The following MSRA variants were observed in gnomAD, a reference collection of about 807,000 sequenced individuals.
The protein encoded by MSRA is methionine sulfoxide reductase A, also known as mitochondrial peptide methionine sulfoxide reductase.
Under a neutral mutation model 31.3 loss-of-function variants are expected in MSRA, and 54 were observed. The ratio of observed to expected loss-of-function variants is 1.73; its 90% CI spans 1.39 to 2.17. The LOEUF (loss-of-function observed/expected upper bound fraction) is 2.17. Among genes scored for constraint, MSRA ranks in the 30% most tolerant of loss-of-function variants. The pLI, the probability that MSRA is intolerant of heterozygous loss-of-function variation, is 0.00. For synonymous variants in MSRA, 169 were observed against 116.5 expected, an observed-to-expected ratio of 1.45 and a Z score of -2.90; for missense variants, 507 against 300.9, an observed-to-expected ratio of 1.69 and a Z score of -5.07.
intron 5 of MSRA, among the ~76,000 whole-genome samples, chr8:10,333,804 ACCCCACCCC>A (rs1452301517): frequency 6.7e-6 from 1 of 148,246 alleles, no homozygotes; most frequent in Non-Finnish European, 1.5e-5. Flanking sequence ...TTTCTTCTCC[ACCCCACCCC>A]CCCCACGCTG....
At chr8:10,342,322 A>G (rs890976047) in intron 5 of MSRA, among the ~76,000 whole-genome samples, 1 of 152,220 alleles carries the variant, frequency 6.6e-6, no homozygotes, top group Non-Finnish European at 1.5e-5. Flanking sequence ...AAACTGAGAA[A>G]TTAAAAAAAC....
At chr8:10,112,787 T>C (rs886142798) in intron 1 of MSRA, among the ~76,000 whole-genome samples, 3 of 136,218 alleles carry the variant, frequency 2.2e-5, no homozygotes, top group African/African-American at 1.1e-4. Flanking sequence ...TTGGAGAAGT[T>C]TTTCTCTTTC....
At chr8:10,251,861 TGGGGGGG>T (rs386412047) in intron 3 of MSRA, among the ~76,000 whole-genome samples, 1 of 140,012 alleles carries the variant, frequency 7.1e-6, no homozygotes, top group East Asian at 2.1e-4. Context: ...GTTGACATGG[TGGGGGGG>T]GGGGGACATA....
chr8:10,137,255 T>TA (rs1436856114), intron 1 of MSRA, among the ~76,000 whole-genome samples: 1 of 152,232 alleles, frequency 6.6e-6, no homozygotes, highest in African/African-American at 2.4e-5. Flanking sequence ...AAGCATATTT[T>TA]AAAAAATTGG....
chr8:10,224,877 G>A (rs1002812288), intron 2 of MSRA, among the ~76,000 whole-genome samples: 2 of 152,138 alleles, frequency 1.3e-5, no homozygotes, highest in Non-Finnish European at 2.9e-5. Context: ...AGGGCCGGGC[G>A]CAGTGGGCTC....
chr8:10,185,511 A>C (rs1178002629), intron 1 of MSRA, among the ~76,000 whole-genome samples: 1 of 135,362 alleles, frequency 7.4e-6, no homozygotes, highest in Non-Finnish European at 1.7e-5. Context: ...AGCTCTGGGC[A>C]CAGCTTAATC....
chr8:10,283,624 A>G (rs988279501), intron 3 of MSRA, among the ~76,000 whole-genome samples: 1 of 150,396 alleles, frequency 6.6e-6, no homozygotes, highest in Non-Finnish European at 1.5e-5. Context: ...CCAAAAGTCC[A>G]TTTTGTCATT....
At chr8:10,175,113 T>C (rs1031222052) in intron 1 of MSRA, among the ~76,000 whole-genome samples, 9 of 152,274 alleles carry the variant, frequency 5.9e-5, no homozygotes, top group Admixed American at 5.9e-4. Context: ...ACAACTTTTC[T>C]GCACTCACCC....
intron 3 of MSRA, among the ~76,000 whole-genome samples, chr8:10,252,704 T>G (rs1797980316): frequency 6.6e-6 from 1 of 152,228 alleles, no homozygotes; most frequent in Admixed American, 6.5e-5. Context: ...CAAATTGATT[T>G]GTCCACGAAG....
chr8:10,277,073 C>T (rs974879420), intron 3 of MSRA, among the ~76,000 whole-genome samples: 5 of 151,888 alleles, frequency 3.3e-5, no homozygotes, highest in Non-Finnish European at 7.4e-5. Context: ...TTACTTGAGA[C>T]CTAGATTTTA....
intron 1 of MSRA, among the ~76,000 whole-genome samples, chr8:10,162,032 C>T (rs530339503): frequency 1.3e-5 from 2 of 152,312 alleles, no homozygotes; most frequent in South Asian, 4.2e-4. Context: ...TCGCTTCCCT[C>T]ATGTCCTAGA....
At chr8:10,244,568 T>G (rs531331974) in intron 2 of MSRA, among the ~76,000 whole-genome samples, 8 of 152,340 alleles carry the variant, frequency 5.3e-5, no homozygotes, top group African/African-American at 1.9e-4. Flanking sequence ...AGCAGTGATT[T>G]ATCACATGCA....
At chr8:10,422,338 T>G (rs899307274) in intron 5 of MSRA, among the ~76,000 whole-genome samples, 23 of 152,188 alleles carry the variant, frequency 1.5e-4, no homozygotes, top group African/African-American at 5.1e-4. Context: ...CCTCTCTGCA[T>G]TCCTCGTCCT....
chr8:10,106,057 C>T (rs1401677387), intron 1 of MSRA, among the ~76,000 whole-genome samples: 3 of 152,176 alleles, frequency 2.0e-5, no homozygotes, highest in African/African-American at 7.2e-5. Context: ...AGGAACCCTC[C>T]TTGGTTGTTC....
chr8:10,354,947 C>T (rs1585565926), intron 5 of MSRA, among the ~76,000 whole-genome samples: 1 of 152,076 alleles, frequency 6.6e-6, no homozygotes, highest in Admixed American at 6.5e-5. Flanking sequence ...TGAATCTTTT[C>T]TTGCATCCAT....
intron 1 of MSRA, among the ~76,000 whole-genome samples, chr8:10,169,545 G>T (rs946999897): frequency 5.9e-5 from 9 of 152,186 alleles, no homozygotes; most frequent in Admixed American, 1.3e-4. Flanking sequence ...AAAAATCTCT[G>T]TGACTTTGTG....
rs976438297 is a variant in MSRA, at chr8:10,333,234, G to A, written c.543+13245G>A. Among the ~76,000 whole-genome samples, 5 of 152,168 alleles carry A rather than the reference G, an allele frequency of 3.3e-5. No homozygotes were observed. In the East Asian group the frequency reaches 9.6e-4, roughly 29 times the overall value. On this transcript the variant is annotated intron_variant, in intron 5 of 5. Transcript: ENST00000317173. Reference sequence around the variant, plus strand: ...CAGTGGCAACAGGGGAATGTTTAGTGGCTCCCATATGTGATGTCCAGACCC... The same window carrying A: ...CAGTGGCAACAGGGGAATGTTTAGTAGCTCCCATATGTGATGTCCAGACCC...
chr8:10,072,076 GAGGTTGGC>G (rs58286572), intron 1 of MSRA, among the ~76,000 whole-genome samples: 144,280 of 151,822 alleles, frequency 0.95, 68,829 homozygotes, highest in Non-Finnish European at 0.99. Flanking sequence ...ATAGAGCAAT[GAGGTTGGC>G]AGGTTGGCCA....
intron 3 of MSRA, among the ~76,000 whole-genome samples, chr8:10,280,173 A>G (rs988980867): frequency 3.3e-5 from 5 of 151,920 alleles, no homozygotes; most frequent in Non-Finnish European, 7.4e-5. Context: ...TATTTGTGAT[A>G]TAATTTATTT....
Sources: allele counts gnomAD v4.1 joint callset (sites outside exome capture counted in the v4.1 genomes callset), GRCh38; gene constraint gnomAD v4.1.1; transcripts MANE v1.5; gene names NCBI Gene and HGNC (gene_info 2026-07-23, HGNC 2026-07-21).